Variants in KLHL10 observed in about 807,000 individuals in gnomAD.
The protein encoded by KLHL10 is kelch like family member 10.
Under a neutral mutation model 46.6 loss-of-function variants are expected in KLHL10, and 11 were observed. That is an observed-to-expected ratio of 0.24 (90% CI 0.15 to 0.39). The LOEUF (loss-of-function observed/expected upper bound fraction) is 0.39, where lower values mean the gene tolerates loss of function less well. KLHL10 is among the 10% of genes least tolerant of loss of function. KLHL10 has a pLI of 1.00. For missense variants in KLHL10, 475 were observed against 789.8 expected, an observed-to-expected ratio of 0.60 and a Z score of 4.78; for synonymous variants, 254 against 279.1, an observed-to-expected ratio of 0.91 and a Z score of 0.90.
At chr17:41,838,314 T>C (rs1555620412) in intron 1 of KLHL10, among the ~76,000 whole-genome samples, 188 bp downstream of exon 1, 1 of 152,012 alleles carries the variant, frequency 6.6e-6, no homozygotes, top group African/African-American at 2.4e-5. Context: ...CAGGCTGGAG[T>C]GTAGTGATGC....
intron 3 of KLHL10, among the ~76,000 whole-genome samples, chr17:41,846,825 AAT>A (rs1161184343): frequency 1.3e-5 from 2 of 152,152 alleles, no homozygotes; most frequent in Non-Finnish European, 2.9e-5. Flanking sequence ...AAAAAATAAA[AAT>A]AAATAGGCTG....
chr17:41,844,536 T>G (rs2048261635), intron 2 of KLHL10, among the ~76,000 whole-genome samples: 1 of 94,140 alleles, frequency 1.1e-5, no homozygotes. Flanking sequence ...TCAGCCTGGT[T>G]TTTGTATTTT....
chr17:41,845,824 G>T, intron 3 of KLHL10, 81 bp downstream of exon 3: 1 of 1,561,880 alleles, frequency 6.4e-7, no homozygotes, highest in East Asian at 2.2e-5. Flanking sequence ...TGGGGTGGAT[G>T]GAAGACGCAG....
In KLHL10 at chr17:41,841,895, G is replaced by A. The variant is rs2048230561; in HGVS notation, c.267G>A (p.Met89Ile). The change falls in exon 2 of 5, where the codon ATG becomes ATA. Residue 89 changes from methionine to isoleucine, a missense_variant. Met to Ile is a conservative substitution (Grantham distance 10, BLOSUM62 1). Coordinates refer to ENST00000293303, the MANE Select transcript of KLHL10 (RefSeq NM_152467.5). ...VYNIPGISPD[M>I]MKLIIEYAYT... Reference sequence around the variant, plus strand: ...ACATCCCTGGCATTTCTCCCGACATGATGAAGCTAATCATTGAGTATGCAT... The same window carrying A: ...ACATCCCTGGCATTTCTCCCGACATAATGAAGCTAATCATTGAGTATGCAT... 1 of 1,614,170 alleles carries A rather than the reference G, an allele frequency of 6.2e-7. No homozygotes were observed.
At chr17:41,843,782 G>A (rs1167088804) in intron 2 of KLHL10, among the ~76,000 whole-genome samples, 1 of 151,856 alleles carries the variant, frequency 6.6e-6, no homozygotes, top group Non-Finnish European at 1.5e-5. Flanking sequence ...TATTTATTTT[G>A]AGAAGGAGTC....
intron 1 of KLHL10, among the ~76,000 whole-genome samples, chr17:41,839,352 T>C (rs1470664069): frequency 1.3e-5 from 2 of 152,196 alleles, no homozygotes; most frequent in Non-Finnish European, 2.9e-5. Flanking sequence ...GCTTTAATCT[T>C]TGATTCTCAC....
chr17:41,838,699 T>C (rs1555620451), intron 1 of KLHL10, among the ~76,000 whole-genome samples: 1 of 150,272 alleles, frequency 6.7e-6, no homozygotes, highest in Non-Finnish European at 1.5e-5. Flanking sequence ...ATTTTTGTCT[T>C]TTTTTTTTGA....
rs879983952 is a variant in KLHL10 at position 41,843,511 on chromosome 17, C to CAA, written c.684+1215_684+1216dup. ...AGAGAGAGACTTGGTCTCAAATTAA[C>CAA]AAAAAAAAAAAAAAAAATCTTAAGT... On this transcript the variant is annotated intron_variant, in intron 2 of 4. Transcript: ENST00000293303. 2.5e-3 allele frequency among the ~76,000 whole-genome samples: 236 copies of CAA among 95,870 alleles called. 2 individuals are homozygous for CAA. Among genetic ancestry groups the CAA allele is most frequent in the African/African-American group, 7.3e-3 (219 of 30,046 alleles). 62.9% of individuals were successfully genotyped at this position (95,870 alleles called of 152,430 possible). A position where few individuals can be genotyped will look rare whatever the true frequency, so the allele number is the denominator to read the frequency against.
rs1555621225 is a variant in KLHL10 at position 41,845,371 on chromosome 17, A to G, written c.930A>G (p.Ala310=). The part of the protein sequence containing the change: ...SGGSPTNAIE[A]YDARADRWVN... ...GGAGCCCCACCAATGCCATTGAGGCATATGACGCTCGGGCAGACAGATGGG... is the reference window on the plus strand; with the variant it reads ...GGAGCCCCACCAATGCCATTGAGGCGTATGACGCTCGGGCAGACAGATGGG... Residue 310 remains alanine, a synonymous_variant, in exon 3 of 5, where the codon GCA becomes GCG. Transcript: ENST00000293303. 6.2e-7 allele frequency: 1 copy of G among 1,614,232 alleles called. No homozygotes were observed. The highest frequency in any genetic ancestry group is 1.1e-5 in the South Asian group (1 of 91,082).
At chr17:41,837,459 G>T (rs1227833736), upstream of KLHL10, 3 of 725,038 alleles carry the variant, frequency 4.1e-6, no homozygotes, top group African/African-American at 5.7e-5. Context: ...GCCTAAGAAA[G>T]AAATTTAATC....
At chr17:41,840,240 T>C (rs1555620590) in intron 1 of KLHL10, among the ~76,000 whole-genome samples, 1 of 152,258 alleles carries the variant, frequency 6.6e-6, no homozygotes, top group African/African-American at 2.4e-5. Context: ...CAATACTAAA[T>C]GAATGGGTGT....
At chr17:41,839,527 G>A (rs2048205671) in intron 1 of KLHL10, among the ~76,000 whole-genome samples, 1 of 152,114 alleles carries the variant, frequency 6.6e-6, no homozygotes, top group Non-Finnish European at 1.5e-5. Context: ...GAAATACCCA[G>A]GAAATATCAG....
At position 41,844,514 on chromosome 17, in the gene KLHL10, G is replaced by A. The variant is rs142589180; in HGVS notation, c.685-612G>A. ...CCCAAAATGTTGGGATTGCAGGCGT[G>A]AGCCACTGCACTCAGCCTGGTTTTT... On this transcript the variant is annotated intron_variant, in intron 2 of 4. Coordinates refer to ENST00000293303, the MANE Select transcript of KLHL10 (RefSeq NM_152467.5). 7.2e-4 allele frequency among the ~76,000 whole-genome samples: 107 copies of A among 147,790 alleles called. 2 individuals are homozygous for A. The East Asian group carries it at 0.017, about 23-fold the overall frequency.
chr17:41,846,366 C>A (rs1422750965), intron 3 of KLHL10, among the ~76,000 whole-genome samples: 90 of 151,604 alleles, frequency 5.9e-4, no homozygotes, highest in Non-Finnish European at 4.4e-5. Context: ...ACTAAAAATA[C>A]AAAAAATTAG....
chr17:41,846,800 G>A (rs2048291697), intron 3 of KLHL10, among the ~76,000 whole-genome samples: 1 of 152,064 alleles, frequency 6.6e-6, no homozygotes, highest in Non-Finnish European at 1.5e-5. Context: ...AGGCAACAGA[G>A]TGAGACTCCA....
At position 41,842,022 on chromosome 17, in the gene KLHL10, C is replaced by T; in HGVS notation, c.394C>T (p.Leu132Phe). ...MGIVRGCCEF[L>F]KSELCLDNCI... is the part of the protein sequence containing the mutation. ...TATCGTCAGGGGTTGCTGCGAGTTC[C>T]TCAAGTCAGAGCTGTGCTTGGATAA... The change falls in exon 2 of 5, where the codon CTC becomes TTC. Residue 132 changes from leucine (L) to phenylalanine (F), a missense_variant. Physicochemically the swap from Leu to Phe is conservative, Grantham distance 22 (BLOSUM62 0). Transcript: ENST00000293303. 1.2e-6 allele frequency: 2 copies of T among 1,614,168 alleles called. No homozygotes were observed. Among genetic ancestry groups the T allele is most frequent in the Non-Finnish European group, 1.7e-6 (2 of 1,180,036 alleles).
chr17:41,841,681 A>T, intron 1 of KLHL10, 142 bp from the exon 2 acceptor site: 2 of 931,110 alleles, frequency 2.1e-6, no homozygotes, highest in South Asian at 1.4e-5. Context: ...GAGTGACCAA[A>T]GTCAGAGTTC....
rs372414978 is a variant in KLHL10 at position 41,845,265 on chromosome 17, C to T, written c.824C>T (p.Ser275Phe). Reference protein sequence around the residue: ...AMYDLNMNGPSNSDFTNPLTR... With the variant: ...AMYDLNMNGPFNSDFTNPLTR... The stretch of plus-strand genomic sequence containing the variant: ...TATGACCTCAACATGAATGGACCCT[C>T]TAATTCTGATTTCACCAACCCACTC... Residue 275 changes from serine to phenylalanine, a missense_variant, in exon 3 of 5, where the codon TCT (serine) becomes TTT (phenylalanine). Ser to Phe is a radical substitution (Grantham distance 155). Coordinates refer to ENST00000293303, the MANE Select transcript of KLHL10 (RefSeq NM_152467.5). 6.2e-7 allele frequency: 1 copy of T among 1,614,122 alleles called. No individual in the cohort carries two copies. Among genetic ancestry groups the T allele is most frequent in the African/African-American group, 1.3e-5 (1 of 74,950 alleles).
chr17:41,836,117 G>T (rs1335027832), upstream of KLHL10: 3 of 1,329,162 alleles, frequency 2.3e-6, no homozygotes, highest in Non-Finnish European at 1.9e-6. Context: ...CAGCTGGGGG[G>T]CTCGAAGCGC....
Sources: allele counts gnomAD v4.1 joint callset (sites outside exome capture counted in the v4.1 genomes callset), GRCh38; gene constraint gnomAD v4.1.1; transcripts MANE v1.5; gene names NCBI Gene and HGNC (gene_info 2026-07-23, HGNC 2026-07-21).